The following NXPH1 variants were observed in gnomAD, a reference collection of about 807,000 sequenced individuals.
NXPH1 encodes the protein neurexophilin 1.
In NXPH1, 5 loss-of-function variants were observed where a neutral mutation model predicts 23.7. That is an observed-to-expected ratio of 0.21 (90% CI 0.11 to 0.44). NXPH1 has a LOEUF of 0.44. Among genes scored for constraint, NXPH1 ranks in the 20% least tolerant of loss-of-function variants. The pLI, the probability that NXPH1 is intolerant of heterozygous loss-of-function variation, is 0.99. For synonymous variants in NXPH1, 144 were observed against 122.2 expected, an observed-to-expected ratio of 1.18 and a Z score of -1.18; for missense variants, 324 against 321.6, an observed-to-expected ratio of 1.01 and a Z score of -0.06.
chr7:8,473,462 C>T (rs1584178963), intron 2 of NXPH1, among the ~76,000 whole-genome samples: 1 of 152,266 alleles, frequency 6.6e-6, no homozygotes, highest in African/African-American at 2.4e-5. Flanking sequence ...TACCCCCTGC[C>T]ATCTAAAACT....
Position 8,501,275 on chromosome 7 carries a change from C to T in NXPH1, c.54+65508C>T, listed in dbSNP as rs557393209. Among the ~76,000 whole-genome samples, 4 of 152,054 alleles carry T rather than the reference C, an allele frequency of 2.6e-5. 1 individual carries two copies. Among genetic ancestry groups the T allele is most frequent in the African/African-American group, 7.2e-5 (3 of 41,506 alleles). On this transcript the variant is annotated intron_variant, in intron 2 of 2. Transcript: ENST00000405863. ...ATGTGCACAATGCAAACATGAGAAACCGTAGTTTGTTACTGAGTAATGAAA... is the reference window on the plus strand; with the variant it reads ...ATGTGCACAATGCAAACATGAGAAATCGTAGTTTGTTACTGAGTAATGAAA...
chr7:8,688,391 A>G (rs1198355022), intron 2 of NXPH1, among the ~76,000 whole-genome samples: 2 of 152,164 alleles, frequency 1.3e-5, no homozygotes, highest in Non-Finnish European at 2.9e-5. Context: ...CCTGTAGTAT[A>G]TATCTGGGTA....
rs117712823 is a variant in NXPH1, at chr7:8,677,234, C to A, written c.55-73774C>A. Among the ~76,000 whole-genome samples the A allele has an allele frequency of 3.4e-3, 516 of 152,230 alleles. 5 individuals are homozygous for A. Among genetic ancestry groups the A allele is most frequent in the Non-Finnish European group, 3.6e-3 (246 of 68,006 alleles). On this transcript the variant is annotated intron_variant, in intron 2 of 2. Coordinates refer to ENST00000405863, the MANE Select transcript of NXPH1 (RefSeq NM_152745.3). ...CTATGTTTAACCAGGTTGATAATGA[C>A]AGAATTTGCAAATTAAACTAAATTA...
intron 2 of NXPH1, among the ~76,000 whole-genome samples, chr7:8,499,748 A>G (rs1563328528): frequency 1.3e-5 from 2 of 152,002 alleles, no homozygotes; most frequent in African/African-American, 2.4e-5. Flanking sequence ...ATTCCCCGCT[A>G]TTTTTGAGGC....
chr7:8,662,170 T>TTATATATATA (rs57298280), intron 2 of NXPH1, among the ~76,000 whole-genome samples: 14 of 83,726 alleles, frequency 1.7e-4, no homozygotes, highest in African/African-American at 4.8e-4. Flanking sequence ...GCATATGATT[T>TTATATATATA]TATATATATA....
intron 2 of NXPH1, among the ~76,000 whole-genome samples, chr7:8,700,428 G>A (rs950721719): frequency 2.0e-5 from 3 of 152,052 alleles, no homozygotes; most frequent in Admixed American, 1.3e-4. Flanking sequence ...TTCTTAGACA[G>A]TTCCTGTACT....
Position 8,709,733 on chromosome 7 carries a change from T to C in NXPH1, c.55-41275T>C, listed in dbSNP as rs1281293097. On this transcript the variant is annotated intron_variant, in intron 2 of 2. Transcript: ENST00000405863. ...CTGGTGAATATGAGTCTGTTAAGTC[T>C]TTATAGATAAATTATTTTTCTAGTC... Among the ~76,000 whole-genome samples the C allele has an allele frequency of 2.6e-5, 4 of 152,248 alleles. No individual in the cohort carries two copies. The East Asian group carries it at 5.8e-4, about 22-fold the overall frequency.
chr7:8,550,905 G>T (rs1340351939), intron 2 of NXPH1, among the ~76,000 whole-genome samples: 1 of 151,456 alleles, frequency 6.6e-6, no homozygotes, highest in Non-Finnish European at 1.5e-5. Context: ...CAATTAGATT[G>T]TATACAGATG....
rs1217796396 is a variant in NXPH1, at chr7:8,434,938, A to G, written c.-111+183A>G. 1 of 152,122 alleles carries G rather than the reference A, an allele frequency of 6.6e-6. No homozygotes were observed. The highest frequency in any genetic ancestry group is 1.5e-5 in the Non-Finnish European group (1 of 68,060). 9.4% of individuals were successfully genotyped at this position (152,122 alleles called of 1,614,324 possible). ...GCGACCGGCTGTACCCTTTGGCTCGAAAAAAGTAGTGCTAGAGATGTGACT... is the reference window on the plus strand; with the variant it reads ...GCGACCGGCTGTACCCTTTGGCTCGGAAAAAGTAGTGCTAGAGATGTGACT... On this transcript the variant is annotated intron_variant, in intron 1 of 2. Transcript: ENST00000405863. This position sits in a 1 kb window ranked among gnomAD's most constrained non-coding sequence, Gnocchi z 7.6.
chr7:8,511,968 C>T (rs1184384152), intron 2 of NXPH1, among the ~76,000 whole-genome samples: 1 of 152,094 alleles, frequency 6.6e-6, no homozygotes. Flanking sequence ...TAGCTCTGGC[C>T]CTTGGCGCTC....
intron 2 of NXPH1, among the ~76,000 whole-genome samples, chr7:8,634,457 T>G (rs1820185543): frequency 6.6e-6 from 1 of 152,140 alleles, no homozygotes; most frequent in South Asian, 2.1e-4. Flanking sequence ...TTACCTAGTC[T>G]TGGGTATTTC....
At chr7:8,711,076 A>G (rs943762234) in intron 2 of NXPH1, among the ~76,000 whole-genome samples, 1 of 152,244 alleles carries the variant, frequency 6.6e-6, no homozygotes, top group African/African-American at 2.4e-5. Flanking sequence ...ATATGGCAAC[A>G]TAACTTTCAA....
intron 2 of NXPH1, among the ~76,000 whole-genome samples, chr7:8,517,662 T>G (rs1372901393): frequency 6.6e-6 from 1 of 152,084 alleles, no homozygotes; most frequent in Non-Finnish European, 1.5e-5. Flanking sequence ...AGAAGAGATC[T>G]CTCCTCATAT....
At chr7:8,579,863 G>A (rs569384434) in intron 2 of NXPH1, among the ~76,000 whole-genome samples, 10 of 152,232 alleles carry the variant, frequency 6.6e-5, no homozygotes, top group African/African-American at 2.4e-4. Flanking sequence ...ATCCATTGGG[G>A]GGCATCTAGG....
chr7:8,470,225 G>A (rs1277482578), intron 2 of NXPH1, among the ~76,000 whole-genome samples: 4 of 150,560 alleles, frequency 2.7e-5, no homozygotes, highest in Non-Finnish European at 5.9e-5. Context: ...TTTATCGCTG[G>A]ATAGATTATG....
chr7:8,504,974 C>G (rs748119515), intron 2 of NXPH1, among the ~76,000 whole-genome samples: 1 of 151,968 alleles, frequency 6.6e-6, no homozygotes, highest in Non-Finnish European at 1.5e-5. Context: ...TGTAGCAGCC[C>G]AAACTTACTA....
At chr7:8,519,046 T>C (rs1160235921) in intron 2 of NXPH1, among the ~76,000 whole-genome samples, 1 of 152,150 alleles carries the variant, frequency 6.6e-6, no homozygotes, top group Non-Finnish European at 1.5e-5. Context: ...TAGGCTATTG[T>C]TATTTGTCTC....
intron 2 of NXPH1, among the ~76,000 whole-genome samples, chr7:8,522,879 A>G (rs760333394): frequency 2.0e-5 from 3 of 152,198 alleles, no homozygotes; most frequent in Non-Finnish European, 4.4e-5. Context: ...CTTTGTACCC[A>G]TGGGGCTTCC....
rs564244026 is a variant in NXPH1, at chr7:8,638,230, C to T, written c.55-112778C>T. On this transcript the variant is annotated intron_variant, in intron 2 of 2. Transcript: ENST00000405863. ...AACATCTACAATGGACTAATAAAAG[C>T]GAACAAACACCTCGGCAACCACATC... Among the ~76,000 whole-genome samples, 6 of 152,228 alleles carry T rather than the reference C, an allele frequency of 3.9e-5. No individual in the cohort carries two copies. In the East Asian group the frequency reaches 5.8e-4, roughly 15 times the overall value.
Sources: gnomAD v4.1 joint callset for allele counts (sites outside exome capture counted in the v4.1 genomes callset) on GRCh38, gnomAD v4.1.1 for gene constraint, Gnocchi (gnomAD v3.1) non-coding constraint, MANE v1.5 for transcripts, NCBI Gene and HGNC (gene_info 2026-07-23, HGNC 2026-07-21) for gene names.